The following IFT74 variants were observed in gnomAD, a reference collection of about 807,000 sequenced individuals.
The protein encoded by IFT74 is intraflagellar transport protein 74 homolog.
A neutral mutation model predicts 96.7 loss-of-function variants in IFT74; 92 were observed. That is an observed-to-expected ratio of 0.95 (90% confidence interval 0.80 to 1.13). The LOEUF (loss-of-function observed/expected upper bound fraction) is 1.13. Among genes scored for constraint, IFT74 ranks in the 50% most tolerant of loss-of-function variants. The probability of loss-of-function intolerance (pLI) is 0.00; values close to 1 mark genes in which losing one functional copy is unlikely to be tolerated. For synonymous variants in IFT74, 223 were observed against 213.2 expected, an observed-to-expected ratio of 1.05 and a Z score of -0.40; for missense variants, 811 against 698.2, an observed-to-expected ratio of 1.16 and a Z score of -1.82.
At chr9:26,952,232 A>G (rs1048807025), upstream of IFT74, among the ~76,000 whole-genome samples, 23 of 151,494 alleles carry the variant, frequency 1.5e-4, no homozygotes, top group Non-Finnish European at 1.8e-4. Flanking sequence ...AATATTCATT[A>G]TGATTTTTAT....
intron 8 of IFT74, among the ~76,000 whole-genome samples, chr9:26,991,515 C>G (rs762930042): frequency 6.6e-6 from 1 of 152,110 alleles, no homozygotes; most frequent in Non-Finnish European, 1.5e-5. Flanking sequence ...CCATTATACC[C>G]GGCCACCATC....
intron 12 of IFT74, among the ~76,000 whole-genome samples, chr9:27,022,933 C>T (rs193199388): frequency 3.3e-5 from 5 of 152,156 alleles, no homozygotes; most frequent in African/African-American, 7.2e-5. Flanking sequence ...CCACCGCGCC[C>T]GACCGAGTTC....
At chr9:27,007,385 T>G (rs1281607741) in intron 8 of IFT74, among the ~76,000 whole-genome samples, 1 of 152,232 alleles carries the variant, frequency 6.6e-6, no homozygotes, top group Non-Finnish European at 1.5e-5. Context: ...ATGAATTCCT[T>G]CCAAAAGATT....
intron 6 of IFT74, among the ~76,000 whole-genome samples, chr9:26,986,218 C>A (rs188263036): frequency 9.2e-5 from 14 of 151,960 alleles, no homozygotes; most frequent in Admixed American, 3.3e-4. Context: ...GATAGTGTTA[C>A]CTTGTGCTTA....
intron 2 of IFT74, among the ~76,000 whole-genome samples, chr9:26,977,121 T>C (rs1345282855): frequency 1.3e-5 from 2 of 152,110 alleles, no homozygotes; most frequent in South Asian, 2.1e-4. Flanking sequence ...TTTCACATAG[T>C]TTTTAAAATT....
chr9:27,016,180 C>A (rs1025783861), intron 10 of IFT74, among the ~76,000 whole-genome samples: 1 of 152,184 alleles, frequency 6.6e-6, no homozygotes, highest in Non-Finnish European at 1.5e-5. Flanking sequence ...AGACTCTAGA[C>A]AGAATCTTGC....
At chr9:27,005,613 G>C (rs991785814) in intron 8 of IFT74, 22 of 149,708 alleles carry the variant, frequency 1.5e-4, no homozygotes, top group African/African-American at 4.9e-4. Context: ...TTGTCTCTAA[G>C]ACTTGTGTGC....
chr9:26,985,694 T>C (rs1827599989), intron 6 of IFT74, among the ~76,000 whole-genome samples: 1 of 152,136 alleles, frequency 6.6e-6, no homozygotes, highest in Non-Finnish European at 1.5e-5. Context: ...CATACACAAA[T>C]GCACACATGC....
At chr9:27,052,481 C>G (rs940399569) in intron 16 of IFT74, among the ~76,000 whole-genome samples, 3 of 139,454 alleles carry the variant, frequency 2.2e-5, no homozygotes, top group African/African-American at 8.2e-5. Context: ...GCACTCCAGC[C>G]TGGGCAACAG....
intron 8 of IFT74, among the ~76,000 whole-genome samples, chr9:27,001,603 GT>G (rs1410512182): frequency 6.6e-6 from 1 of 152,000 alleles, no homozygotes; most frequent in Non-Finnish European, 1.5e-5. Context: ...TCTTTTGTGT[GT>G]TTTTTGAGAA....
chr9:27,036,327 A>G, intron 13 of IFT74: 1 of 1,330,282 alleles, frequency 7.5e-7, no homozygotes, highest in Non-Finnish European at 1.0e-6. Context: ...ATGTATATTT[A>G]GAAAATTGGG....
intron 4 of IFT74, 37 bp downstream of exon 4, chr9:26,980,656 T>A (rs1272727991): frequency 7.4e-7 from 1 of 1,345,400 alleles, no homozygotes; most frequent in Admixed American, 1.8e-5. Flanking sequence ...TATGTTTTAC[T>A]CGAAATATTG....
intron 13 of IFT74, chr9:27,036,694 G>C: frequency 7.6e-7 from 1 of 1,308,940 alleles, no homozygotes; most frequent in Non-Finnish European, 9.7e-7. Flanking sequence ...AAAAAAAAAA[G>C]ACTCCTAAAA....
intron 16 of IFT74, among the ~76,000 whole-genome samples, chr9:27,051,290 C>A (rs1346836323): frequency 6.6e-6 from 1 of 151,856 alleles, no homozygotes; most frequent in Non-Finnish European, 1.5e-5. Flanking sequence ...TATATTTAAG[C>A]CTATTTTATA....
intron 11 of IFT74, 124 bp downstream of exon 11, chr9:27,017,174 A>C: frequency 1.8e-6 from 1 of 569,674 alleles, no homozygotes; most frequent in South Asian, 4.7e-5. Context: ...AAAATAGTTT[A>C]TGTGAAGAAA....
chr9:27,026,396 T>C (rs1199752408), intron 12 of IFT74, among the ~76,000 whole-genome samples: 1 of 152,166 alleles, frequency 6.6e-6, no homozygotes, highest in Non-Finnish European at 1.5e-5. Flanking sequence ...GGGACTTCAA[T>C]ACTCCATTGA....
chr9:27,062,986 C>A lies in IFT74; in HGVS notation c.*250C>A. On this transcript the variant is annotated 3_prime_UTR_variant, in exon 20 of 20. Coordinates refer to ENST00000380062, the MANE Select transcript of IFT74 (RefSeq NM_025103.4). ...GTATTTGAACCAAGAGATAAAGAAA[C>A]TAAAAGTGACCGTTGAAATTTATTT... The A allele has an allele frequency of 2.6e-6, 1 of 379,632 alleles. No individual in the cohort carries two copies. The highest frequency in any genetic ancestry group is 4.7e-6 in the Non-Finnish European group (1 of 214,482). 23.5% of individuals were successfully genotyped at this position (379,632 alleles called of 1,614,324 possible). A position where few individuals can be genotyped will look rare whatever the true frequency, so the allele number is the denominator to read the frequency against.
chr9:27,040,996 A>G (rs1011357869), intron 13 of IFT74, among the ~76,000 whole-genome samples: 26 of 152,182 alleles, frequency 1.7e-4, no homozygotes, highest in Admixed American at 1.0e-3. Context: ...CAAGAAGAGC[A>G]TATCTCCCTT....
chr9:27,005,757 G>C (rs1187855149), intron 8 of IFT74: 1 of 151,320 alleles, frequency 6.6e-6, no homozygotes, highest in East Asian at 1.9e-4. Flanking sequence ...GCAAAAGATT[G>C]ACTAGAAGAA....
Sources: allele counts gnomAD v4.1 joint callset (sites outside exome capture counted in the v4.1 genomes callset), GRCh38; gene constraint gnomAD v4.1.1; transcripts MANE v1.5; gene names NCBI Gene and HGNC (gene_info 2026-07-23, HGNC 2026-07-21).